The following TAB3 variants were observed in gnomAD, a reference collection of about 807,000 sequenced individuals.
TAB3 encodes TGF-beta-activated kinase 1 and MAP3K7-binding protein 3.
Under a neutral mutation model 48.1 loss-of-function variants are expected in TAB3, and 18 were observed. That is an observed-to-expected ratio of 0.37 (90% CI 0.26 to 0.55). The LOEUF is 0.55. TAB3 is among the 20% of genes least tolerant of loss of function. TAB3 has a pLI of 0.78. For synonymous variants in TAB3, 185 were observed against 190.2 expected (o/e 0.97, Z 0.22); for missense variants, 414 against 549.8 (o/e 0.75, Z 2.47).
At chrX:30,840,361 A>G (rs1938396810) in intron 9 of TAB3, among the ~76,000 whole-genome samples, 1 of 111,602 alleles carries the variant, frequency 9.0e-6, no homozygotes, top group Non-Finnish European at 1.9e-5. Context: ...TTTCCTTCTA[A>G]GCACTGCTTT....
chrX:30,835,855 T>C (rs780811796), intron 9 of TAB3: 1 of 112,534 alleles, frequency 8.9e-6, no homozygotes, highest in African/African-American at 3.2e-5. Flanking sequence ...CACTTGGATT[T>C]CTGGTATATA....
At chrX:30,832,881 G>A in intron 10 of TAB3, among the ~76,000 whole-genome samples, 1 of 111,446 alleles carries the variant, frequency 9.0e-6, no homozygotes, top group Non-Finnish European at 1.9e-5. Context: ...TCCAAAACAT[G>A]TAGATTTAAT....
chrX:30,884,563 A>C (rs1940078926), intron 1 of TAB3, among the ~76,000 whole-genome samples: 1 of 110,404 alleles, frequency 9.1e-6, no homozygotes, highest in Non-Finnish European at 1.9e-5. Context: ...GTGCTTACTG[A>C]AAGTCATTTT....
chrX:30,887,109 T>C (rs1240913796), intron 1 of TAB3, among the ~76,000 whole-genome samples: 1 of 112,529 alleles, frequency 8.9e-6, no homozygotes, highest in Non-Finnish European at 1.9e-5. Context: ...TGTGTATGTG[T>C]ACCTCCAAGC....
At chrX:30,853,071 T>A (rs761746434) in intron 6 of TAB3, 133 bp from the exon 7 acceptor site, 1 of 614,977 alleles carries the variant, frequency 1.6e-6, no homozygotes, top group Non-Finnish European at 2.5e-6. Flanking sequence ...GTCTTTCTAA[T>A]GCTATGCTGC....
chrX:30,830,742 CAAGCCA>C lies in TAB3; in HGVS notation c.*679_*684del, dbSNP rs1332545668. The C allele has an allele frequency of 8.9e-6, 1 of 112,015 alleles. No individual in the cohort carries two copies. The highest frequency in any genetic ancestry group is 1.9e-5 in the Non-Finnish European group (1 of 53,197). The allele number at this position is 112,015 out of a possible 1,213,427, so 9.2% of individuals were successfully genotyped here. A position where few individuals can be genotyped will look rare whatever the true frequency, so the allele number is the denominator to read the frequency against. The stretch of plus-strand genomic sequence containing the variant: ...ATAGAGCTCGATGAATCACACTGTA[CAAGCCA>C]AAGGCATCTTACCACCTCTGATTGT... On this transcript the variant is annotated 3_prime_UTR_variant, in exon 11 of 11. Transcript: ENST00000288422.
At chrX:30,872,648 T>G (rs1939695063) in intron 1 of TAB3, among the ~76,000 whole-genome samples, 1 of 112,600 alleles carries the variant, frequency 8.9e-6, no homozygotes, top group Non-Finnish European at 1.9e-5. Flanking sequence ...ATATTTCAGC[T>G]AATAATAGCA....
intron 9 of TAB3, among the ~76,000 whole-genome samples, chrX:30,839,904 C>CATATATATATTATATATATAT: frequency 1.9e-5 from 1 of 51,884 alleles, no homozygotes; most frequent in Admixed American, 3.0e-4. Context: ...TTTCTTTATA[C>CATATATATATTATATATATAT]ATATATATAT....
At chrX:30,842,061 G>A (rs1016403673) in intron 9 of TAB3, among the ~76,000 whole-genome samples, 4 of 112,512 alleles carry the variant, frequency 3.6e-5, no homozygotes, top group African/African-American at 1.3e-4. Flanking sequence ...CATCCGTCTG[G>A]CTTAAATGAC....
At chrX:30,888,184 G>T (rs1156697739) in intron 1 of TAB3, among the ~76,000 whole-genome samples, 1 of 112,449 alleles carries the variant, frequency 8.9e-6, no homozygotes, top group Non-Finnish European at 1.9e-5. Flanking sequence ...GAAAAAGTGC[G>T]CAAAGAAAGC....
intron 9 of TAB3, among the ~76,000 whole-genome samples, chrX:30,841,682 T>C (rs150243660): frequency 0.016 from 1,743 of 112,080 alleles, 29 homozygotes; most frequent in African/African-American, 0.05. Context: ...TGGTAATTTT[T>C]TTCAAAAATA....
rs184734184 is a variant in TAB3 at position 30,859,558 on chromosome X, G to C, written c.31C>G (p.Gln11Glu). The C allele has an allele frequency of 1.4e-5, 17 of 1,207,761 alleles. No homozygotes were observed. The highest frequency in any genetic ancestry group is 1.9e-5 in the Non-Finnish European group (17 of 894,285). The change falls in exon 5 of 11, where the codon CAG becomes GAG. Residue 11 changes from glutamine (Q) to glutamate (E), a missense_variant. Physicochemically the swap from Gln to Glu is conservative, Grantham distance 29. Transcript: ENST00000288422. The stretch of plus-strand genomic sequence containing the variant: ...CGTTGTCGAAGATCATGGAGAACCT[G>C]AATATCAAGCTGTGGGCTGCTTTGC... MAQSSPQLDI[Q>E]VLHDLRQRFP...
chrX:30,854,727 G>A lies in TAB3; in HGVS notation c.938C>T (p.Pro313Leu), dbSNP rs760098880. The A allele has an allele frequency of 2.5e-6, 3 of 1,211,692 alleles. No individual in the cohort carries two copies. Among genetic ancestry groups the A allele is most frequent in the South Asian group, 1.8e-5 (1 of 56,952 alleles). ...PFSSPQHQVQ[P>L]SQLGHIFMPP... is the part of the protein sequence containing the mutation. ...CATAAAGATGTGGCCCAACTGGGAA[G>A]GTTGCACTTGATGCTGTGGAGAGCT... Residue 313 changes from proline (P) to leucine (L), a missense_variant, in exon 6 of 11, where the codon CCT (proline) becomes CTT (leucine). Physicochemically the swap from Pro to Leu is moderately conservative, Grantham distance 98. Coordinates refer to ENST00000288422, the MANE Select transcript of TAB3 (RefSeq NM_152787.5).
chrX:30,837,751 C>T (rs1190866510), intron 9 of TAB3, among the ~76,000 whole-genome samples: 1 of 112,088 alleles, frequency 8.9e-6, no homozygotes, highest in African/African-American at 3.2e-5. Flanking sequence ...TGTCCAAAAA[C>T]TTTTATACCT....
chrX:30,881,121 G>T (rs1356768207), intron 1 of TAB3, among the ~76,000 whole-genome samples: 3 of 111,132 alleles, frequency 2.7e-5, no homozygotes, highest in Non-Finnish European at 5.7e-5. Context: ...TTGCATAAAA[G>T]AAGTCAGAGA....
At chrX:30,844,278 C>CA (rs916361298) in intron 8 of TAB3, 17 of 111,874 alleles carry the variant, frequency 1.5e-4, no homozygotes, top group Admixed American at 4.8e-4. Context: ...CCAATGCAGA[C>CA]AAAAAACACA....
In TAB3 at chrX:30,827,552, C is replaced by A. The variant is rs1273943385; in HGVS notation, c.*3875G>T. ...CTTTTAAAATGCCTTTGTACAATTT[C>A]ATCTCAAAATGATTTCATTCACAGC... On this transcript the variant is annotated 3_prime_UTR_variant, in exon 11 of 11. Transcript: ENST00000288422. 8.9e-6 allele frequency: 1 copy of A among 112,567 alleles called. No homozygotes were observed. Among genetic ancestry groups the A allele is most frequent in the Non-Finnish European group, 1.9e-5 (1 of 53,241 alleles). The allele number at this position is 112,567 out of a possible 1,213,427, so 9.3% of individuals were successfully genotyped here.
At position 30,834,150 on chromosome X, in the gene TAB3, A is replaced by G. The variant is rs781009343; in HGVS notation, c.1891T>C (p.Ser631Pro). 1.7e-6 allele frequency: 2 copies of G among 1,204,303 alleles called. No individual in the cohort carries two copies. The highest frequency in any genetic ancestry group is 2.2e-6 in the Non-Finnish European group (2 of 890,292). ...VVPPKPSKKD[S>P]SDPCTIERKA... ...CTCTCAATTGTGCAGGGGTCTGAGG[A>G]GTCTGCATAAAAATAAACAACGCCA... The change falls in exon 10 of 11, where the codon TCC becomes CCC. Residue 631 changes from serine to proline, a missense_variant and splice_region_variant. Coordinates refer to ENST00000288422, the MANE Select transcript of TAB3 (RefSeq NM_152787.5).
intron 1 of TAB3, 129 bp from the exon 2 acceptor site, chrX:30,871,930 T>C (rs181834565): frequency 1.0e-3 from 112 of 112,426 alleles, no homozygotes; most frequent in African/African-American, 3.0e-3. Flanking sequence ...CTACATGAAA[T>C]TTCAGTGAAT....
Sources: gnomAD v4.1 joint callset for allele counts (sites outside exome capture counted in the v4.1 genomes callset) on GRCh38, gnomAD v4.1.1 for gene constraint, MANE v1.5 for transcripts, NCBI Gene and HGNC (gene_info 2026-07-23, HGNC 2026-07-21) for gene names.